RABGAP1L: variants seen among roughly 807,000 people sequenced by gnomAD.
RABGAP1L encodes the protein RAB GTPase activating protein 1 like, also known as rab GTPase-activating protein 1-like.
RABGAP1L carries 63 observed loss-of-function variants against 137.7 expected under a neutral mutation model. The ratio of observed to expected loss-of-function variants is 0.46; its 90% CI spans 0.37 to 0.56. The LOEUF (loss-of-function observed/expected upper bound fraction) is 0.56, where lower values mean the gene tolerates loss of function less well. Among genes scored for constraint, RABGAP1L ranks in the 20% least tolerant of loss-of-function variants. The pLI is 0.00. For synonymous variants in RABGAP1L, 431 were observed against 433.7 expected (o/e 0.99, Z 0.08); for missense variants, 1,095 against 1,244.0 (o/e 0.88, Z 1.80).
At chr1:174,431,931 G>C (rs1652682901) in intron 13 of RABGAP1L, among the ~76,000 whole-genome samples, 1 of 151,858 alleles carries the variant, frequency 6.6e-6, no homozygotes, top group Non-Finnish European at 1.5e-5. Flanking sequence ...TAAAAACTTG[G>C]GATCATTTTT....
At chr1:174,296,529 T>G (rs1281279552) in intron 10 of RABGAP1L, among the ~76,000 whole-genome samples, 1 of 152,208 alleles carries the variant, frequency 6.6e-6, no homozygotes, top group East Asian at 1.9e-4. Context: ...GTAACAGATA[T>G]TTTAGAAGTT....
chr1:174,503,973 T>TC, intron 13 of RABGAP1L, among the ~76,000 whole-genome samples: 1 of 149,390 alleles, frequency 6.7e-6, no homozygotes, highest in Non-Finnish European at 1.5e-5. Flanking sequence ...CTTTTTTTTT[T>TC]CTTTTCTTTT....
At chr1:174,375,605 T>G (rs1685455901) in intron 12 of RABGAP1L, among the ~76,000 whole-genome samples, 1 of 152,088 alleles carries the variant, frequency 6.6e-6, no homozygotes, top group Non-Finnish European at 1.5e-5. Flanking sequence ...ATTTAGAAGC[T>G]TAGGTGAAAT....
intron 10 of RABGAP1L, among the ~76,000 whole-genome samples, chr1:174,292,329 CTTTTTTTTTTTTTTTT>C (rs61636433): frequency 4.0e-5 from 2 of 50,600 alleles, no homozygotes; most frequent in African/African-American, 1.6e-4. Context: ...CCTACCTAAT[CTTTTTTTTTTTTTTTT>C]TTTTTTTTTT....
chr1:174,247,092 G>C (rs1255643087), intron 5 of RABGAP1L, among the ~76,000 whole-genome samples: 3 of 152,008 alleles, frequency 2.0e-5, no homozygotes, highest in African/African-American at 4.8e-5. Context: ...TTTCTATAAA[G>C]AATTTTTTGA....
At chr1:174,646,390 A>AT (rs1388361217) in intron 14 of RABGAP1L, among the ~76,000 whole-genome samples, 4 of 152,108 alleles carry the variant, frequency 2.6e-5, no homozygotes, top group African/African-American at 9.7e-5. Flanking sequence ...ATTTTTGTAT[A>AT]AGATTTAAGT....
In RABGAP1L at chr1:174,662,603, A is replaced by G. The variant is rs199884750; in HGVS notation, c.1825-20919A>G. Among the ~76,000 whole-genome samples the G allele has an allele frequency of 3.9e-5, 6 of 152,168 alleles. No individual in the cohort carries two copies. The East Asian group carries it at 1.2e-3, about 29-fold the overall frequency. ...GAGATGGGGTTTCACCATGTTGGCC[A>G]GGCTGGTCTCGAACTCCTGACCTCA... On this transcript the variant is annotated intron_variant, in intron 14 of 25. Transcript: ENST00000681986.
At chr1:174,176,713 G>GAA (rs71563251) in intron 1 of RABGAP1L, among the ~76,000 whole-genome samples, 1,413 of 21,516 alleles carry the variant, frequency 0.066, 278 homozygotes, top group Non-Finnish European at 0.1. Flanking sequence ...CCCTTTTTCA[G>GAA]AAAAAAAAAA....
intron 20 of RABGAP1L, among the ~76,000 whole-genome samples, chr1:174,965,839 TA>T (rs1338748990): frequency 6.6e-6 from 1 of 152,216 alleles, no homozygotes; most frequent in Non-Finnish European, 1.5e-5. Flanking sequence ...CCCTCTAGGC[TA>T]TTTTGCTTTG....
At chr1:174,436,053 CAT>C (rs1175198281) in intron 13 of RABGAP1L, among the ~76,000 whole-genome samples, 2 of 152,124 alleles carry the variant, frequency 1.3e-5, no homozygotes, top group African/African-American at 2.4e-5. Context: ...TCTAGTCTAT[CAT>C]TGTTGGACAT....
chr1:174,267,851 G>A (rs1211126515), intron 7 of RABGAP1L, among the ~76,000 whole-genome samples: 1 of 152,054 alleles, frequency 6.6e-6, no homozygotes, highest in Non-Finnish European at 1.5e-5. Flanking sequence ...ATTTTTAAAG[G>A]TTACTGAAGA....
At chr1:174,863,924 G>A (rs1650752876) in intron 19 of RABGAP1L, among the ~76,000 whole-genome samples, 1 of 152,190 alleles carries the variant, frequency 6.6e-6, no homozygotes, top group Admixed American at 6.5e-5. Context: ...AGGTTGCAGT[G>A]AGCCAAGATC....
chr1:174,180,525 T>C (rs1468707919), intron 1 of RABGAP1L, among the ~76,000 whole-genome samples: 1 of 152,190 alleles, frequency 6.6e-6, no homozygotes, highest in Non-Finnish European at 1.5e-5. Flanking sequence ...AGTACAATAG[T>C]GTGATCATAG....
At chr1:174,506,907 G>A (rs532084354) in intron 13 of RABGAP1L, among the ~76,000 whole-genome samples, 4 of 152,116 alleles carry the variant, frequency 2.6e-5, no homozygotes, top group Admixed American at 6.5e-5. Context: ...TCAGAAGTTC[G>A]AGTCCACCCT....
chr1:174,722,291 C>T (rs563217907), intron 17 of RABGAP1L, among the ~76,000 whole-genome samples: 23 of 152,126 alleles, frequency 1.5e-4, no homozygotes, highest in Non-Finnish European at 2.5e-4. Context: ...GTTTCTTTAA[C>T]GATAAAAATA....
chr1:174,561,847 A>G (rs1667241546), intron 13 of RABGAP1L, among the ~76,000 whole-genome samples: 1 of 152,240 alleles, frequency 6.6e-6, no homozygotes, highest in African/African-American at 2.4e-5. Flanking sequence ...CTTATACAAA[A>G]ATTAACTCAT....
chr1:174,455,056 A>G (rs900450415), intron 13 of RABGAP1L, among the ~76,000 whole-genome samples: 1 of 152,148 alleles, frequency 6.6e-6, no homozygotes, highest in African/African-American at 2.4e-5. Flanking sequence ...ACTTTCTCCA[A>G]AGGTGAAGAA....
At chr1:174,327,986 C>CATATATATATATATAT (rs3057021) in intron 11 of RABGAP1L, among the ~76,000 whole-genome samples, 8 of 53,626 alleles carry the variant, frequency 1.5e-4, no homozygotes, top group African/African-American at 5.7e-4. Flanking sequence ...TATACACACA[C>CATATATATATATATAT]ATATATATAT....
chr1:174,600,556 A>C (rs1670330373), intron 13 of RABGAP1L, among the ~76,000 whole-genome samples: 1 of 151,840 alleles, frequency 6.6e-6, no homozygotes, highest in Non-Finnish European at 1.5e-5. Context: ...AATGGGAGAA[A>C]TTGGCCAAAA....
Sources: allele counts gnomAD v4.1 joint callset (sites outside exome capture counted in the v4.1 genomes callset), GRCh38; gene constraint gnomAD v4.1.1; transcripts MANE v1.5; gene names NCBI Gene and HGNC (gene_info 2026-07-23, HGNC 2026-07-21).